The following GLG1 variants were observed in gnomAD, a reference collection of about 807,000 sequenced individuals.
GLG1 encodes golgi glycoprotein 1.
A neutral mutation model predicts 160.5 loss-of-function variants in GLG1; 38 were observed. The ratio of observed to expected loss-of-function variants is 0.24; its 90% CI spans 0.18 to 0.31. The LOEUF is 0.31. Among genes scored for constraint, GLG1 ranks in the 10% least tolerant of loss-of-function variants. The probability of loss-of-function intolerance (pLI) is 1.00; values close to 1 mark genes in which losing one functional copy is unlikely to be tolerated. For synonymous variants in GLG1, 644 were observed against 543.4 expected (o/e 1.19, Z -2.57); for missense variants, 1,373 against 1,505.2 (o/e 0.91, Z 1.45).
At chr16:74,499,301 A>G (rs1157434301) in intron 4 of GLG1, among the ~76,000 whole-genome samples, 1 of 152,032 alleles carries the variant, frequency 6.6e-6, no homozygotes, top group Non-Finnish European at 1.5e-5. Flanking sequence ...AGTGCAGTGG[A>G]GGGATCACAG....
chr16:74,536,294 A>T (rs1041008559), intron 1 of GLG1, among the ~76,000 whole-genome samples: 2 of 152,234 alleles, frequency 1.3e-5, no homozygotes, highest in African/African-American at 4.8e-5. Context: ...CATGAGGAAT[A>T]ACACCCATAA....
At position 74,574,883 on chromosome 16, in the gene GLG1, CAAAAAAAAAAAAAA is replaced by C. The variant is rs531720341; in HGVS notation, c.438+31760_438+31773del. 2.0e-3 allele frequency among the ~76,000 whole-genome samples: 49 copies of C among 24,792 alleles called. 1 individual carries two copies. The highest frequency in any genetic ancestry group is 4.8e-3 in the Admixed American group (6 of 1,240). 16.3% of individuals were successfully genotyped at this position (24,792 alleles called of 152,430 possible). A position where few individuals can be genotyped will look rare whatever the true frequency, so the allele number is the denominator to read the frequency against. On this transcript the variant is annotated intron_variant, in intron 1 of 25. Transcript: ENST00000422840. ...TGGGTAAGAGAGCAAGACTCTGTCTCAAAAAAAAAAAAAAAAAAAAAAAAAAAAAAGACAGAGAG... is the reference window on the plus strand; with the variant it reads ...TGGGTAAGAGAGCAAGACTCTGTCTCAAAAAAAAAAAAAAAAGACAGAGAG...
chr16:74,597,722 C>T (rs905569481), intron 1 of GLG1, among the ~76,000 whole-genome samples: 6 of 151,128 alleles, frequency 4.0e-5, no homozygotes, highest in South Asian at 4.2e-4. Flanking sequence ...GGCATGGTGG[C>T]GGGCGCCTGT....
rs151123937 is a variant in GLG1, at chr16:74,465,808, G to A, written c.2535C>T (p.Ile845=). 118 of 1,613,348 alleles carry A rather than the reference G, an allele frequency of 7.3e-5. No homozygotes were observed. The African/African-American group carries it at 1.3e-3, about 18-fold the overall frequency. ...SAVQYGNAQI[I]ECLKENKKQL... ...GCTTCTTGTTTTCTTTCAGACATTC[G>A]ATAATCTATGGCAAAAGAGTTATAG... The change falls in exon 19 of 26, where the codon ATC becomes ATT. Residue 845 remains isoleucine, a synonymous_variant. Transcript: ENST00000422840.
At chr16:74,472,837 T>C in intron 13 of GLG1, 1 of 329,352 alleles carries the variant, frequency 3.0e-6, no homozygotes, top group South Asian at 2.5e-5. Flanking sequence ...CCACTGTTAC[T>C]GGGGAACACA....
At position 74,459,669 on chromosome 16, in the gene GLG1, T is replaced by C. The variant is rs759901273; in HGVS notation, c.3144+13A>G. 2.4e-6 allele frequency: 3 copies of C among 1,253,654 alleles called. No homozygotes were observed. Among genetic ancestry groups the C allele is most frequent in the Non-Finnish European group, 3.5e-6 (3 of 867,640 alleles). The allele number at this position is 1,253,654 out of a possible 1,614,324, so 77.7% of individuals were successfully genotyped here. A position where few individuals can be genotyped will look rare whatever the true frequency, so the allele number is the denominator to read the frequency against. Reference sequence around the variant, plus strand: ...AAGAAATGAAGTGAGGAAAAGAAGGTGACGGTGGTTACCTTTTTACACAAT... The same window carrying C: ...AAGAAATGAAGTGAGGAAAAGAAGGCGACGGTGGTTACCTTTTTACACAAT... On this transcript the variant is annotated intron_variant, in intron 23 of 25. Transcript: ENST00000422840.
In GLG1 at chr16:74,496,480, A is replaced by C; in HGVS notation, c.939T>G (p.Tyr313Ter). The C allele has an allele frequency of 6.2e-7, 1 of 1,614,020 alleles. No individual in the cohort carries two copies. The highest frequency in any genetic ancestry group is 8.5e-7 in the Non-Finnish European group (1 of 1,179,902). ...SDDFHLDRHL[Y>*]FACRDDRERF... ...GCTCCCGATCATCTCGGCAAGCAAA[A>C]TATAAATGCCGGTCTAAGTGAAAGT... Residue 313 changes from tyrosine to a stop codon, truncating the protein, a stop_gained, in exon 5 of 26, where the codon TAT becomes TAG. Coordinates refer to ENST00000422840, the MANE Select transcript of GLG1 (RefSeq NM_001145667.2). LOFTEE classifies it high-confidence loss of function.
chr16:74,519,486 T>C (rs1306350627), intron 2 of GLG1, among the ~76,000 whole-genome samples: 1 of 151,568 alleles, frequency 6.6e-6, no homozygotes, highest in African/African-American at 2.4e-5. Context: ...AGTATAATAA[T>C]TAAAAAAAAG....
At position 74,542,702 on chromosome 16, in the gene GLG1, G is replaced by A. The variant is rs1208719817; in HGVS notation, c.439-10549C>T. Among the ~76,000 whole-genome samples, 451 of 61,726 alleles carry A rather than the reference G, an allele frequency of 7.3e-3. 16 individuals are homozygous for A. The highest frequency in any genetic ancestry group is 0.01 in the Non-Finnish European group (347 of 33,878). 40.5% of individuals were successfully genotyped at this position (61,726 alleles called of 152,430 possible). On this transcript the variant is annotated intron_variant, in intron 1 of 25. Coordinates refer to ENST00000422840, the MANE Select transcript of GLG1 (RefSeq NM_001145667.2). ...AAAAAAGGGAAGGGAAGGAGGGAGG[G>A]AGGAAGGGAAGAAGGGAAGGAAGGA...
intron 1 of GLG1, among the ~76,000 whole-genome samples, chr16:74,573,892 A>G (rs2018911417): frequency 6.6e-6 from 1 of 151,710 alleles, no homozygotes; most frequent in Non-Finnish European, 1.5e-5. Context: ...CTCCCAGGCG[A>G]AAGTGATTCT....
intron 1 of GLG1, among the ~76,000 whole-genome samples, chr16:74,544,978 A>C (rs2018006001): frequency 6.6e-6 from 1 of 151,868 alleles, no homozygotes; most frequent in African/African-American, 2.4e-5. Flanking sequence ...AAAAATAAGA[A>C]AAAAATACAA....
At chr16:74,464,524 G>A (rs1051590173) in intron 19 of GLG1, among the ~76,000 whole-genome samples, 8 of 152,238 alleles carry the variant, frequency 5.3e-5, no homozygotes, top group African/African-American at 1.9e-4. Flanking sequence ...AACTCTGGTT[G>A]AGACACTTGA....
At chr16:74,479,619 G>A (rs2015526582) in intron 11 of GLG1, among the ~76,000 whole-genome samples, 1 of 152,178 alleles carries the variant, frequency 6.6e-6, no homozygotes, top group South Asian at 2.1e-4. Context: ...TGGATGAGAA[G>A]TGATACCATC....
chr16:74,592,274 C>G (rs1958202476), intron 1 of GLG1, among the ~76,000 whole-genome samples: 1 of 152,206 alleles, frequency 6.6e-6, no homozygotes, highest in South Asian at 2.1e-4. Flanking sequence ...TCCTGAGTAG[C>G]TGGGATTATA....
Position 74,459,782 on chromosome 16 carries a change from C to A in GLG1, c.3044G>T (p.Ser1015Ile). 1.3e-6 allele frequency: 2 copies of A among 1,583,154 alleles called. No homozygotes were observed. The highest frequency in any genetic ancestry group is 2.2e-5 in the East Asian group (1 of 44,714). Reference protein sequence around the residue: ...LQLHCSDEISSLCAEEAAAQE... With the variant: ...LQLHCSDEISILCAEEAAAQE... ...GGCTGCTGCTTCTTCAGCACATAGA[C>A]TGGAGATCTGTTCAGGAGACACAAA... is the stretch of plus-strand genomic sequence containing the variant. The change falls in exon 23 of 26, where the codon AGT becomes ATT. Residue 1015 changes from serine (S) to isoleucine (I), a missense_variant. Physicochemically the swap from Ser to Ile is moderately radical, Grantham distance 142. Transcript: ENST00000422840.
chr16:74,581,849 TCA>T (rs1188725127), intron 1 of GLG1, among the ~76,000 whole-genome samples: 1 of 152,044 alleles, frequency 6.6e-6, no homozygotes, highest in Non-Finnish European at 1.5e-5. Context: ...GAGGCAGAGG[TCA>T]CAGTGAGTCG....
intron 1 of GLG1, among the ~76,000 whole-genome samples, chr16:74,602,261 G>C (rs1421014703): frequency 6.6e-6 from 1 of 152,128 alleles, no homozygotes; most frequent in Non-Finnish European, 1.5e-5. Context: ...TTTATAATCT[G>C]AGACTGATAT....
rs2014238312 is a variant in GLG1, at chr16:74,450,359, T to G, written c.*2808A>C. ...CCAGGCCCTGTTTTGTTTTGCCAAA[T>G]GAGGGACTTAATGAGTGCGGCCAGT... On this transcript the variant is annotated 3_prime_UTR_variant, in exon 26 of 26. Transcript: ENST00000422840. 1 of 152,166 alleles carries G rather than the reference T, an allele frequency of 6.6e-6. No homozygotes were observed. Among genetic ancestry groups the G allele is most frequent in the African/African-American group, 2.4e-5 (1 of 41,454 alleles). 9.4% of individuals were successfully genotyped at this position (152,166 alleles called of 1,614,324 possible). A position where few individuals can be genotyped will look rare whatever the true frequency, so the allele number is the denominator to read the frequency against.
At chr16:74,583,026 T>C (rs1344895195) in intron 1 of GLG1, among the ~76,000 whole-genome samples, 2 of 152,090 alleles carry the variant, frequency 1.3e-5, no homozygotes, top group African/African-American at 4.8e-5. Context: ...AAAATTTCCC[T>C]TTCCTTGGCT....
Sources: allele counts gnomAD v4.1 joint callset (sites outside exome capture counted in the v4.1 genomes callset), GRCh38; gene constraint gnomAD v4.1.1; transcripts MANE v1.5; gene names NCBI Gene and HGNC (gene_info 2026-07-23, HGNC 2026-07-21).